The following SLC8A1 variants were observed in gnomAD, a reference collection of about 807,000 sequenced individuals.
The protein encoded by SLC8A1 is solute carrier family 8 member A1, also known as sodium/calcium exchanger 1.
SLC8A1 carries 18 observed loss-of-function variants against 68.3 expected under a neutral mutation model. The ratio of observed to expected loss-of-function variants is 0.26; its 90% CI spans 0.18 to 0.39. SLC8A1 has a LOEUF of 0.39. Ranked by LOEUF, SLC8A1 falls within the 10% of genes least tolerant of loss-of-function variation. The probability of loss-of-function intolerance (pLI) is 1.00; values close to 1 mark genes in which losing one functional copy is unlikely to be tolerated. For synonymous variants in SLC8A1, 475 were observed against 415.5 expected (o/e 1.14, Z -1.74); for missense variants, 985 against 1,156.7 (o/e 0.85, Z 2.15).
At chr2:40,281,091 T>A (rs1242164776) in intron 2 of SLC8A1, among the ~76,000 whole-genome samples, 1 of 152,204 alleles carries the variant, frequency 6.6e-6, no homozygotes, top group Non-Finnish European at 1.5e-5. Context: ...AGCCAATGAA[T>A]GACAGTAAGA....
intron 2 of SLC8A1, among the ~76,000 whole-genome samples, chr2:40,368,656 T>A (rs939718880): frequency 6.6e-6 from 1 of 152,062 alleles, no homozygotes; most frequent in Middle Eastern, 3.2e-3. Context: ...TAAACTTGTG[T>A]CATGGGGGTT....
At chr2:40,350,619 A>AAAAAAAAAC (rs1670778665) in intron 2 of SLC8A1, among the ~76,000 whole-genome samples, 1 of 131,554 alleles carries the variant, frequency 7.6e-6, no homozygotes, top group Non-Finnish European at 1.6e-5. Context: ...AAAAAAAAAA[A>AAAAAAAAAC]AGGCATTTCC....
chr2:40,469,510 G>C (rs1287360069), intron 1 of SLC8A1, among the ~76,000 whole-genome samples: 1 of 152,110 alleles, frequency 6.6e-6, no homozygotes, highest in African/African-American at 2.4e-5. Flanking sequence ...AAATTACTCA[G>C]TTTTAGGTAG....
At chr2:40,395,283 G>C (rs183171632) in intron 2 of SLC8A1, among the ~76,000 whole-genome samples, 2 of 152,222 alleles carry the variant, frequency 1.3e-5, no homozygotes. Flanking sequence ...TCTCCTGACT[G>C]ACTACATTCT....
At chr2:40,220,387 T>G (rs1451484948) in intron 2 of SLC8A1, 1 of 152,200 alleles carries the variant, frequency 6.6e-6, no homozygotes, top group Non-Finnish European at 1.5e-5. Context: ...AGGTCATTAG[T>G]GAGTCATGTT....
At chr2:40,367,902 G>A (rs1033869613) in intron 2 of SLC8A1, among the ~76,000 whole-genome samples, 3 of 152,000 alleles carry the variant, frequency 2.0e-5, no homozygotes, top group South Asian at 2.1e-4. Context: ...TAGCATGCCA[G>A]GTCTTCCATA....
chr2:40,313,031 ATATG>A (rs1281027406), intron 2 of SLC8A1, among the ~76,000 whole-genome samples: 1 of 152,122 alleles, frequency 6.6e-6, no homozygotes, highest in Non-Finnish European at 1.5e-5. Flanking sequence ...ACACACATAT[ATATG>A]TACCTTTGCC....
In SLC8A1 at chr2:40,182,754, G is replaced by A. The variant is rs577455571; in HGVS notation, c.1809-4899C>T. On this transcript the variant is annotated intron_variant, in intron 2 of 7. Transcript: ENST00000406785. ...AGATGTGGCTTTATTAATGAGGGTT[G>A]AAAAAGAAAGTCTCTTCAAAATATA... is the stretch of plus-strand genomic sequence containing the variant. Among the ~76,000 whole-genome samples, 173 of 152,282 alleles carry A rather than the reference G, an allele frequency of 1.1e-3. 1 individual carries two copies. The highest frequency in any genetic ancestry group is 3.9e-3 in the African/African-American group (164 of 41,564).
At position 40,450,574 on chromosome 2, in the gene SLC8A1, G is replaced by T. The variant is rs555959421; in HGVS notation, c.-25+1330C>A. Among the ~76,000 whole-genome samples the T allele has an allele frequency of 2.6e-5, 4 of 152,260 alleles. No homozygotes were observed. In the South Asian group the frequency reaches 8.3e-4, roughly 32 times the overall value. ...CCTACTCAGCTAGAGGCTCCTCCATGATCAGGACGCTTGTACTGTCTTCAC... is the reference window on the plus strand; with the variant it reads ...CCTACTCAGCTAGAGGCTCCTCCATTATCAGGACGCTTGTACTGTCTTCAC... On this transcript the variant is annotated intron_variant, in intron 1 of 7. Coordinates refer to ENST00000406785, the Ensembl canonical transcript of SLC8A1.
chr2:40,452,000 G>A (rs1031408039), exon 1 of SLC8A1: 1 of 151,830 alleles, frequency 6.6e-6, no homozygotes, highest in Non-Finnish European at 1.5e-5. Context: ...CGATCAGGAA[G>A]AGGTCGCTCC....
At chr2:40,370,502 G>C (rs1185680262) in intron 2 of SLC8A1, among the ~76,000 whole-genome samples, 1 of 151,986 alleles carries the variant, frequency 6.6e-6, no homozygotes, top group East Asian at 1.9e-4. Context: ...TCATGTAATT[G>C]ACAGGCTAAA....
At chr2:40,183,615 A>AT (rs1558657438) in intron 2 of SLC8A1, among the ~76,000 whole-genome samples, 1 of 152,190 alleles carries the variant, frequency 6.6e-6, no homozygotes, top group Non-Finnish European at 1.5e-5. Flanking sequence ...CAGAATCTGC[A>AT]TTTTAACAAG....
intron 2 of SLC8A1, among the ~76,000 whole-genome samples, chr2:40,372,198 A>G (rs1446841341): frequency 2.6e-5 from 4 of 152,118 alleles, no homozygotes; most frequent in Non-Finnish European, 5.9e-5. Context: ...TTAATCCTCC[A>G]GAATGTAAAC....
At chr2:40,274,219 A>G (rs1326073003) in intron 2 of SLC8A1, among the ~76,000 whole-genome samples, 1 of 148,924 alleles carries the variant, frequency 6.7e-6, no homozygotes, top group Non-Finnish European at 1.5e-5. Context: ...TTTGCATACT[A>G]GATTTCTACC....
chr2:40,280,912 T>C (rs2067421981), intron 2 of SLC8A1, among the ~76,000 whole-genome samples: 1 of 152,226 alleles, frequency 6.6e-6, no homozygotes, highest in Non-Finnish European at 1.5e-5. Flanking sequence ...ATCAATCTCT[T>C]TATACAGTAA....
chr2:40,169,713 G>T (rs1019781), intron 4 of SLC8A1, among the ~76,000 whole-genome samples: 2 of 151,932 alleles, frequency 1.3e-5, no homozygotes, highest in Non-Finnish European at 2.9e-5. Flanking sequence ...GGCAGAGGCG[G>T]GTGGACTGCT....
At chr2:40,307,803 G>T (rs2072939054) in intron 2 of SLC8A1, among the ~76,000 whole-genome samples, 1 of 152,020 alleles carries the variant, frequency 6.6e-6, no homozygotes, top group South Asian at 2.1e-4. Context: ...TAGCAGCAAA[G>T]GCATCATAAC....
chr2:40,430,863 C>T (rs1698125134), intron 1 of SLC8A1, among the ~76,000 whole-genome samples: 1 of 152,126 alleles, frequency 6.6e-6, no homozygotes, highest in South Asian at 2.1e-4. Flanking sequence ...CGCCAGAGAG[C>T]ATCTTACACT....
intron 2 of SLC8A1, among the ~76,000 whole-genome samples, chr2:40,192,100 TAA>T (rs1019905007): frequency 9.2e-5 from 14 of 152,102 alleles, no homozygotes; most frequent in Non-Finnish European, 1.3e-4. Context: ...ATAATTTATA[TAA>T]GAGATTTTTT....
Sources: gnomAD v4.1 joint callset for allele counts (sites outside exome capture counted in the v4.1 genomes callset) on GRCh38, gnomAD v4.1.1 for gene constraint, MANE v1.5 for transcripts, NCBI Gene and HGNC (gene_info 2026-07-23, HGNC 2026-07-21) for gene names.